UBASH3B: variants seen among roughly 807,000 people sequenced by gnomAD.
The protein encoded by UBASH3B is ubiquitin-associated and SH3 domain-containing protein B.
In UBASH3B, 37 loss-of-function variants were observed where a neutral mutation model predicts 83.4. The ratio of observed to expected loss-of-function variants is 0.44; its 90% CI spans 0.34 to 0.58. UBASH3B has a LOEUF of 0.58. Among genes scored for constraint, UBASH3B ranks in the 20% least tolerant of loss-of-function variants. UBASH3B has a pLI of 0.01. For synonymous variants in UBASH3B, 304 were observed against 318.3 expected (o/e 0.96, Z 0.48); for missense variants, 657 against 827.2 (o/e 0.79, Z 2.52).
chr11:122,786,604 C>T (rs7106344), intron 5 of UBASH3B, among the ~76,000 whole-genome samples: 23,336 of 152,036 alleles, frequency 0.15, 2,436 homozygotes, highest in East Asian at 0.44. Flanking sequence ...TTGCAGTGAG[C>T]CAAGATGATG....
chr11:122,724,145 G>A (rs1860690111), intron 1 of UBASH3B, among the ~76,000 whole-genome samples: 1 of 152,202 alleles, frequency 6.6e-6, no homozygotes, highest in Non-Finnish European at 1.5e-5. Flanking sequence ...ATTACATAGA[G>A]TTAAGAGCCT....
At chr11:122,660,324 G>A (rs768042242) in intron 1 of UBASH3B, among the ~76,000 whole-genome samples, 1 of 152,138 alleles carries the variant, frequency 6.6e-6, no homozygotes, top group Admixed American at 6.6e-5. Flanking sequence ...TGTTCGGGAG[G>A]CATCAGGAAG....
intron 10 of UBASH3B, 73 bp from the exon 11 acceptor site, chr11:122,801,115 C>G: frequency 1.3e-6 from 2 of 1,557,820 alleles, no homozygotes; most frequent in South Asian, 2.4e-5. Context: ...GCTGATTTAT[C>G]AGAATTTTTA....
At chr11:122,679,116 C>T (rs148705042) in intron 1 of UBASH3B, among the ~76,000 whole-genome samples, 1 of 152,250 alleles carries the variant, frequency 6.6e-6, no homozygotes, top group African/African-American at 2.4e-5. Context: ...GAAGGATCCA[C>T]TCTAAGGAGG....
At position 122,671,132 on chromosome 11, in the gene UBASH3B, G is replaced by A. The variant is rs1488984903; in HGVS notation, c.161+14922G>A. Among the ~76,000 whole-genome samples the A allele has an allele frequency of 2.6e-5, 4 of 152,330 alleles. No homozygotes were observed. In the East Asian group the frequency reaches 5.8e-4, roughly 22 times the overall value. ...CTGAGGAGGGGAACAGAGATGCGGG[G>A]AGCTGGCTTAGGAGTGTGGCGCTCC... On this transcript the variant is annotated intron_variant, in intron 1 of 13. Transcript: ENST00000284273.
In UBASH3B at chr11:122,711,658, G is replaced by A. The variant is rs556592210; in HGVS notation, c.161+55448G>A. Among the ~76,000 whole-genome samples, 7 of 152,330 alleles carry A rather than the reference G, an allele frequency of 4.6e-5. No homozygotes were observed. In the South Asian group the frequency reaches 1.4e-3, roughly 32 times the overall value. On this transcript the variant is annotated intron_variant, in intron 1 of 13. Coordinates refer to ENST00000284273, the MANE Select transcript of UBASH3B (RefSeq NM_032873.5). Reference sequence around the variant, plus strand: ...ACCTCATGCTGTGTAACGGGCACAGGTGCATGTGGAAAAAGAATCAAGGTT... The same window carrying A: ...ACCTCATGCTGTGTAACGGGCACAGATGCATGTGGAAAAAGAATCAAGGTT...
rs1458076391 is a variant in UBASH3B at position 122,812,612 on chromosome 11, T to A, written c.*2726T>A. ...AATTTTGTTTTAATGTAGAAAGTTA[T>A]TTGAAATAAACTAGGTGAAATGAAA... On this transcript the variant is annotated 3_prime_UTR_variant, in exon 14 of 14. Transcript: ENST00000284273. 1 of 152,248 alleles carries A rather than the reference T, an allele frequency of 6.6e-6. No homozygotes were observed. The highest frequency in any genetic ancestry group is 1.5e-5 in the Non-Finnish European group (1 of 68,036). 9.4% of individuals were successfully genotyped at this position (152,248 alleles called of 1,614,324 possible). A position where few individuals can be genotyped will look rare whatever the true frequency, so the allele number is the denominator to read the frequency against.
chr11:122,798,739 G>C (rs936586484), intron 9 of UBASH3B, among the ~76,000 whole-genome samples: 2 of 150,308 alleles, frequency 1.3e-5, no homozygotes, highest in Admixed American at 6.7e-5. Flanking sequence ...AAGACAAGAA[G>C]GGCTCTGTCG....
chr11:122,732,010 CA>C (rs1490891587), intron 1 of UBASH3B, among the ~76,000 whole-genome samples: 3 of 152,126 alleles, frequency 2.0e-5, no homozygotes, highest in Non-Finnish European at 4.4e-5. Context: ...CACACACACA[CA>C]CACCATGCTC....
In UBASH3B at chr11:122,796,996, C is replaced by T. The variant is rs776027223; in HGVS notation, c.1320C>T (p.Pro440=). 1 of 1,613,628 alleles carries T rather than the reference C, an allele frequency of 6.2e-7. No homozygotes were observed. Among genetic ancestry groups the T allele is most frequent in the South Asian group, 1.1e-5 (1 of 91,038 alleles). Residue 440 remains proline, a synonymous_variant, in exon 9 of 14, where the codon CCC becomes CCT. Transcript: ENST00000284273. ...TCCGAGATTACGAGAAAGATGCTCC[C>T]ATCACTGTGTTTGGATGCATGCAAG... ...GGFRDYEKDA[P]ITVFGCMQAR...
intron 1 of UBASH3B, among the ~76,000 whole-genome samples, chr11:122,691,122 G>A (rs1863890443): frequency 1.3e-5 from 2 of 152,166 alleles, no homozygotes; most frequent in South Asian, 4.1e-4. Context: ...AGATATGTTT[G>A]CCTCTCTCCA....
intron 4 of UBASH3B, among the ~76,000 whole-genome samples, chr11:122,781,914 A>G (rs1441541412): frequency 6.6e-6 from 1 of 152,236 alleles, no homozygotes; most frequent in Non-Finnish European, 1.5e-5. Context: ...ATGCAGTATA[A>G]AAGAAAAAGT....
intron 1 of UBASH3B, among the ~76,000 whole-genome samples, chr11:122,708,028 C>T (rs1221724596): frequency 6.6e-6 from 1 of 152,060 alleles, no homozygotes; most frequent in Non-Finnish European, 1.5e-5. Context: ...CTGAATACTA[C>T]GATAGAGTTC....
At chr11:122,702,678 C>A (rs111980572) in intron 1 of UBASH3B, among the ~76,000 whole-genome samples, 5 of 151,960 alleles carry the variant, frequency 3.3e-5, no homozygotes, top group Non-Finnish European at 5.9e-5. Context: ...GCGCATGCTA[C>A]CACACCCGGC....
chr11:122,726,322 C>G (rs1860739593), intron 1 of UBASH3B: 1 of 151,138 alleles, frequency 6.6e-6, no homozygotes, highest in African/African-American at 2.4e-5. Flanking sequence ...CACCTTTCGG[C>G]ATTTATTTCT....
chr11:122,779,329 G>A (rs577169756), intron 3 of UBASH3B, 168 bp from the exon 4 acceptor site: 2 of 685,560 alleles, frequency 2.9e-6, no homozygotes, highest in African/African-American at 3.6e-5. Context: ...ATCTGTGTCT[G>A]AATAATTGGA....
intron 1 of UBASH3B, among the ~76,000 whole-genome samples, chr11:122,727,752 C>T (rs959661829): frequency 5.9e-5 from 9 of 152,196 alleles, no homozygotes; most frequent in Non-Finnish European, 8.8e-5. Context: ...TTCTCTCAGA[C>T]GTGGACTTGG....
chr11:122,813,861 T>C lies in UBASH3B; in HGVS notation c.*3975T>C, dbSNP rs1565279522. Reference sequence around the variant, plus strand: ...GAAAGTGACTAGCTATAATGAAAATTCAAGCGAAAAGGGAAAAAGATTGTA... The same window carrying C: ...GAAAGTGACTAGCTATAATGAAAATCCAAGCGAAAAGGGAAAAAGATTGTA... On this transcript the variant is annotated 3_prime_UTR_variant, in exon 14 of 14. Transcript: ENST00000284273. The C allele has an allele frequency of 6.6e-6, 1 of 152,226 alleles. No individual in the cohort carries two copies. The highest frequency in any genetic ancestry group is 1.5e-5 in the Non-Finnish European group (1 of 68,038). 9.4% of individuals were successfully genotyped at this position (152,226 alleles called of 1,614,324 possible).
At chr11:122,704,662 A>G (rs1864092447) in intron 1 of UBASH3B, among the ~76,000 whole-genome samples, 1 of 152,052 alleles carries the variant, frequency 6.6e-6, no homozygotes, top group Middle Eastern at 3.4e-3. Flanking sequence ...GGCACGCACC[A>G]CCATGCCTGG....
Sources: allele counts gnomAD v4.1 joint callset (sites outside exome capture counted in the v4.1 genomes callset), GRCh38; gene constraint gnomAD v4.1.1; transcripts MANE v1.5; gene names NCBI Gene and HGNC (gene_info 2026-07-23, HGNC 2026-07-21).